Variants in SCARF2 observed in about 807,000 individuals in gnomAD.
SCARF2 encodes the protein scavenger receptor expressed by endothelial cells 2 protein.
Under a neutral mutation model 73.4 loss-of-function variants are expected in SCARF2, and 39 were observed. The ratio of observed to expected loss-of-function variants is 0.53; its 90% CI spans 0.41 to 0.69. SCARF2 has a LOEUF of 0.69. SCARF2 is among the 30% of genes least tolerant of loss of function. The probability of loss-of-function intolerance (pLI) is 0.00; values close to 1 mark genes in which losing one functional copy is unlikely to be tolerated. For missense variants in SCARF2, 1,148 were observed against 1,303.5 expected (o/e 0.88, Z 1.84); for synonymous variants, 605 against 590.0 (o/e 1.03, Z -0.37).
In SCARF2 at chr22:20,425,663, G is replaced by C. The variant is rs780320815; in HGVS notation, c.2313C>G (p.Ala771=). 3 of 1,258,724 alleles carry C rather than the reference G, an allele frequency of 2.4e-6. No individual in the cohort carries two copies. In the African/African-American group the frequency reaches 4.7e-5, roughly 20 times the overall value. The allele number at this position is 1,258,724 out of a possible 1,614,324, so 78.0% of individuals were successfully genotyped here. A position where few individuals can be genotyped will look rare whatever the true frequency, so the allele number is the denominator to read the frequency against. ...TGCGAGTCTTGCCGCGCAGCTCAGC[G>C]GCCAACATGGAGGCAGCCTCGGGCG... ...RSAPEAASML[A]AELRGKTRSL... Residue 771 remains alanine (A), a synonymous_variant, in exon 11 of 11, where the codon GCC becomes GCG. Coordinates refer to ENST00000622235, the MANE Select transcript of SCARF2 (RefSeq NM_182895.5). The surrounding 1 kb of genome is among the most constrained non-coding windows in gnomAD (Gnocchi z 4.6).
intron 10 of SCARF2, 97 bp downstream of exon 10, chr22:20,427,301 T>G (rs1248937196): frequency 1.4e-6 from 2 of 1,471,640 alleles, no homozygotes; most frequent in African/African-American, 1.4e-5. Context: ...TTCCTCTCCA[T>G]GCTGCCTGCC....
Position 20,429,161 on chromosome 22 carries a change from A to G in SCARF2, c.1540+64T>C, listed in dbSNP as rs2052612332. ...CTGAGATCTGGACCCCCTCACACCC[A>G]TTTCCCAGCAGCTTCCTGCGTCGAG... On this transcript the variant is annotated intron_variant, in intron 9 of 10. Coordinates refer to ENST00000622235, the MANE Select transcript of SCARF2 (RefSeq NM_182895.5). The surrounding 1 kb of genome is among the most constrained non-coding windows in gnomAD (Gnocchi z 5.2). The G allele has an allele frequency of 1.2e-6, 2 of 1,607,528 alleles. No individual in the cohort carries two copies. The highest frequency in any genetic ancestry group is 8.5e-7 in the Non-Finnish European group (1 of 1,175,162).
Position 20,429,994 on chromosome 22 carries a change from G to T in SCARF2, c.1203-161C>A. 1.4e-6 allele frequency: 1 copy of T among 705,484 alleles called. No individual in the cohort carries two copies. The highest frequency in any genetic ancestry group is 2.4e-6 in the Non-Finnish European group (1 of 418,826). The allele number at this position is 705,484 out of a possible 1,614,324, so 43.7% of individuals were successfully genotyped here. A position where few individuals can be genotyped will look rare whatever the true frequency, so the allele number is the denominator to read the frequency against. ...GGATTGAAGCCCCGCCCCGCCCGTG[G>T]CACATATTGGGTAGTGGATGTTTTG... On this transcript the variant is annotated intron_variant, in intron 6 of 10. Transcript: ENST00000622235. This position sits in a 1 kb window ranked among gnomAD's most constrained non-coding sequence, Gnocchi z 5.2.
chr22:20,426,319 G>A, intron 10 of SCARF2, 37 bp from the exon 11 acceptor site: 1 of 1,530,378 alleles, frequency 6.5e-7, no homozygotes, highest in East Asian at 2.5e-5. Context: ...CAGCCTTCAG[G>A]AATACCTTTA....
Position 20,430,572 on chromosome 22 carries a change from A to T in SCARF2, c.1074-15T>A, listed in dbSNP as rs780021724. 6 of 1,611,924 alleles carry T rather than the reference A, an allele frequency of 3.7e-6. No individual in the cohort carries two copies. In the Admixed American group the frequency reaches 1.0e-4, roughly 27 times the overall value. ...TGGTCTCGCACCTTGGAAAGAGGGG[A>T]GGAGGCGTCAGCAGAAATGGAGGCA... On this transcript the variant is annotated splice_polypyrimidine_tract_variant and intron_variant, in intron 5 of 10. Coordinates refer to ENST00000622235, the MANE Select transcript of SCARF2 (RefSeq NM_182895.5).
rs1569113682 is a variant in SCARF2, at chr22:20,437,666, AGCAGCAGCGACG to A, written c.77_88del (p.Pro26_Leu29del). 3 of 1,520,270 alleles carry A rather than the reference AGCAGCAGCGACG, an allele frequency of 2.0e-6. No individual in the cohort carries two copies. Among genetic ancestry groups the A allele is most frequent in the South Asian group, 2.4e-5 (2 of 82,438 alleles). The allele number at this position is 1,520,270 out of a possible 1,614,324, so 94.2% of individuals were successfully genotyped here. On this transcript the variant is annotated inframe_deletion, in exon 1 of 11. Transcript: ENST00000622235. ...CGGCAGCATCCAGAGCAGCAGCAGCAGCAGCAGCGACGGCAGCAGCGGTGACGGCGGCCCCCC... is the reference window on the plus strand; with the variant it reads ...CGGCAGCATCCAGAGCAGCAGCAGCAGCAGCAGCGGTGACGGCGGCCCCCC...
chr22:20,428,826 C>G (rs1372625675), intron 9 of SCARF2, among the ~76,000 whole-genome samples: 2 of 152,090 alleles, frequency 1.3e-5, no homozygotes, highest in Non-Finnish European at 2.9e-5. Context: ...GGGATGTAGG[C>G]AGGAGGGTGG....
At chr22:20,433,639 C>T (rs552011546) in intron 1 of SCARF2, among the ~76,000 whole-genome samples, 3 of 152,196 alleles carry the variant, frequency 2.0e-5, no homozygotes, top group East Asian at 1.9e-4. Context: ...TGGGACCTGG[C>T]GAACAGGACC....
rs1482543281 is a variant in SCARF2 at position 20,429,125 on chromosome 22, C to T, written c.1540+100G>A. On this transcript the variant is annotated intron_variant, in intron 9 of 10. Transcript: ENST00000622235. This position sits in a 1 kb window ranked among gnomAD's most constrained non-coding sequence, Gnocchi z 5.2. ...CACGCACATCAACACTCAAGGTCCC[C>T]CATTTCCTCACTGAGATCTGGACCC... The T allele has an allele frequency of 8.1e-6, 12 of 1,488,744 alleles. No individual in the cohort carries two copies. Among genetic ancestry groups the T allele is most frequent in the Non-Finnish European group, 1.1e-5 (12 of 1,070,220 alleles). The allele number at this position is 1,488,744 out of a possible 1,614,324, so 92.2% of individuals were successfully genotyped here.
chr22:20,431,149 A>T lies in SCARF2; in HGVS notation c.723T>A (p.Asp241Glu). Residue 241 changes from aspartate to glutamate, a missense_variant, in exon 4 of 11, where the codon GAT (aspartate) becomes GAA (glutamate). Physicochemically the swap from Asp to Glu is conservative, Grantham distance 45. Around this residue, in one of 5 missense-constraint regions of SCARF2, gnomAD observed 372 missense variants for 532.0 expected, o/e 0.70. Coordinates refer to ENST00000622235, the MANE Select transcript of SCARF2 (RefSeq NM_182895.5). ...GGCCGCGGAAGCACTGGCAGTAGCGATCGCAGCGCGCGCCGAACGTACGCT... is the reference window on the plus strand; with the variant it reads ...GGCCGCGGAAGCACTGGCAGTAGCGTTCGCAGCGCGCGCCGAACGTACGCT... ...CRERTFGARC[D>E]RYCQCFRGRC... 6.4e-7 allele frequency: 1 copy of T among 1,568,022 alleles called. No homozygotes were observed. Among genetic ancestry groups the T allele is most frequent in the Non-Finnish European group, 8.6e-7 (1 of 1,165,910 alleles).
intron 1 of SCARF2, among the ~76,000 whole-genome samples, chr22:20,434,257 G>A (rs1390647785): frequency 1.3e-5 from 2 of 152,200 alleles, no homozygotes; most frequent in Non-Finnish European, 1.5e-5. Context: ...TGGCACCACT[G>A]CTCTCCAGCC....
intron 10 of SCARF2, 90 bp downstream of exon 10, chr22:20,427,308 T>C (rs564133312): frequency 6.7e-7 from 1 of 1,503,294 alleles, no homozygotes. Flanking sequence ...CCATGCTGCC[T>C]GCCCTTCTCC....
chr22:20,429,184 G>A lies in SCARF2; in HGVS notation c.1540+41C>T, dbSNP rs1335415886. Reference sequence around the variant, plus strand: ...CCATTTCCCAGCAGCTTCCTGCGTCGAGAGGTGTTTCTCCCAGATACCCCG... The same window carrying A: ...CCATTTCCCAGCAGCTTCCTGCGTCAAGAGGTGTTTCTCCCAGATACCCCG... On this transcript the variant is annotated intron_variant, in intron 9 of 10. Transcript: ENST00000622235. The surrounding 1 kb of genome is among the most constrained non-coding windows in gnomAD (Gnocchi z 5.2). The A allele has an allele frequency of 1.2e-6, 2 of 1,613,230 alleles. No homozygotes were observed. Among genetic ancestry groups the A allele is most frequent in the Non-Finnish European group, 1.7e-6 (2 of 1,179,468 alleles).
chr22:20,428,153 G>A, intron 9 of SCARF2, among the ~76,000 whole-genome samples: 1 of 152,082 alleles, frequency 6.6e-6, no homozygotes, highest in South Asian at 2.1e-4. Flanking sequence ...TGGGCCAAGG[G>A]GTTTTCTCTC....
intron 9 of SCARF2, among the ~76,000 whole-genome samples, chr22:20,428,496 G>A (rs1399079935): frequency 7.9e-5 from 12 of 152,044 alleles, no homozygotes; most frequent in African/African-American, 2.7e-4. Context: ...TAGAGACCGG[G>A]TTTCTCCATG....
Position 20,431,160 on chromosome 22 carries a change from C to T in SCARF2, c.712G>A (p.Ala238Thr). ...CACTGGCAGTAGCGATCGCAGCGCG[C>T]GCCGAACGTACGCTCGCGGCACTGA... ...RCQCRERTFGARCDRYCQCFR... is the reference protein window; with the variant it reads ...RCQCRERTFGTRCDRYCQCFR... Residue 238 changes from alanine (A) to threonine (T), a missense_variant, in exon 4 of 11, where the codon GCG (alanine) becomes ACG (threonine). Ala to Thr is a moderately conservative substitution (Grantham distance 58). Around this residue, in one of 5 missense-constraint regions of SCARF2, gnomAD observed 372 missense variants for 532.0 expected, o/e 0.70. Transcript: ENST00000622235. 1 of 1,567,302 alleles carries T rather than the reference C, an allele frequency of 6.4e-7. No individual in the cohort carries two copies. Among genetic ancestry groups the T allele is most frequent in the Non-Finnish European group, 8.6e-7 (1 of 1,165,518 alleles).
intron 1 of SCARF2, among the ~76,000 whole-genome samples, chr22:20,434,313 G>GGAGA (rs372948448): frequency 6.6e-6 from 1 of 151,938 alleles, no homozygotes; most frequent in Middle Eastern, 3.2e-3. Context: ...GATAGAGATA[G>GGAGA]GAGAGAGAGA....
At chr22:20,435,007 C>G (rs5763252) in intron 1 of SCARF2, among the ~76,000 whole-genome samples, 12,444 of 152,228 alleles carry the variant, frequency 0.082, 1,196 homozygotes, top group East Asian at 0.47. Flanking sequence ...CTGACAACAC[C>G]TTGGACCCTC....
Position 20,430,442 on chromosome 22 carries a change from C to A in SCARF2, c.1189G>T (p.Val397Phe). 6.3e-7 allele frequency: 1 copy of A among 1,591,288 alleles called. No individual in the cohort carries two copies. Among genetic ancestry groups the A allele is most frequent in the Non-Finnish European group, 8.6e-7 (1 of 1,169,562 alleles). Residue 397 changes from valine to phenylalanine, a missense_variant, in exon 6 of 11, where the codon GTC becomes TTC. Transcript: ENST00000622235. ...CGGGGCACTCACTGGGGCCCGTGGA[C>A]GCCAGGGCTGCACAGGCAGCGCCCC... ...QSGRCLCSPG[V>F]HGPHCNVTCP...
Sources: allele counts gnomAD v4.1 joint callset (sites outside exome capture counted in the v4.1 genomes callset), GRCh38; gene constraint gnomAD v4.1.1; regional missense constraint gnomAD v4.1.1; non-coding constraint Gnocchi (gnomAD v3.1); transcripts MANE v1.5; gene names NCBI Gene and HGNC (gene_info 2026-07-23, HGNC 2026-07-21).